CDH4: variants seen among roughly 807,000 people sequenced by gnomAD.
CDH4 encodes cadherin 4, also known as cadherin-4.
A neutral mutation model predicts 86.0 loss-of-function variants in CDH4; 33 were observed. The observed-to-expected ratio is 0.38, with a 90% CI of 0.29 to 0.51. The LOEUF (loss-of-function observed/expected upper bound fraction) is 0.51, where lower values mean the gene tolerates loss of function less well. Among genes scored for constraint, CDH4 ranks in the 20% least tolerant of loss-of-function variants. The pLI is 0.86. For synonymous variants in CDH4, 555 were observed against 549.4 expected, an observed-to-expected ratio of 1.01 and a Z score of -0.14; for missense variants, 1,114 against 1,307.4, an observed-to-expected ratio of 0.85 and a Z score of 2.28.
intron 2 of CDH4, among the ~76,000 whole-genome samples, chr20:61,268,535 TC>T (rs2084168518): frequency 6.6e-6 from 1 of 152,232 alleles, no homozygotes; most frequent in Non-Finnish European, 1.5e-5. Context: ...TGAGTATTTG[TC>T]CCTTCCAAAT....
At chr20:61,801,862 A>G (rs1979847987) in intron 4 of CDH4, among the ~76,000 whole-genome samples, 1 of 152,242 alleles carries the variant, frequency 6.6e-6, no homozygotes, top group Non-Finnish European at 1.5e-5. Flanking sequence ...GAAATCCAGG[A>G]TGGGCCTCAT....
intron 6 of CDH4, among the ~76,000 whole-genome samples, chr20:61,854,020 G>A (rs1227037631): frequency 6.6e-6 from 1 of 152,176 alleles, no homozygotes; most frequent in Non-Finnish European, 1.5e-5. Flanking sequence ...CTTACACTAA[G>A]AGAGTAATCC....
intron 5 of CDH4, among the ~76,000 whole-genome samples, chr20:61,851,240 G>T (rs920858526): frequency 2.0e-5 from 3 of 152,226 alleles, no homozygotes; most frequent in African/African-American, 7.2e-5. Context: ...GTCAGTGCTA[G>T]CTTGTCTCCT....
intron 2 of CDH4, among the ~76,000 whole-genome samples, chr20:61,404,894 C>CA (rs1170924256): frequency 3.4e-4 from 52 of 151,944 alleles, no homozygotes; most frequent in Middle Eastern, 3.4e-3. Flanking sequence ...ACTAAAAATA[C>CA]AAAAAATTAG....
chr20:61,556,408 G>A (rs2086177939), intron 2 of CDH4, among the ~76,000 whole-genome samples: 1 of 152,168 alleles, frequency 6.6e-6, no homozygotes, highest in Non-Finnish European at 1.5e-5. Flanking sequence ...CCTCCAGGCA[G>A]AGGAACTGTG....
At position 61,254,806 on chromosome 20, in the gene CDH4, T is replaced by G. The variant is rs1045631187; in HGVS notation, c.58-20T>G. ...TTTCTGTGAACTTATTGTTTTACAC[T>G]CTCCCCTTTGTGTTCTCAGGCCCAT... On this transcript the variant is annotated intron_variant, in intron 1 of 15. Transcript: ENST00000614565. 4 of 1,372,746 alleles carry G rather than the reference T, an allele frequency of 2.9e-6. No homozygotes were observed. The African/African-American group carries it at 4.3e-5, about 15-fold the overall frequency. The allele number at this position is 1,372,746 out of a possible 1,614,324, so 85.0% of individuals were successfully genotyped here.
At chr20:61,382,513 C>T (rs865881995) in intron 2 of CDH4, among the ~76,000 whole-genome samples, 8 of 152,308 alleles carry the variant, frequency 5.3e-5, no homozygotes, top group Admixed American at 1.3e-4. Flanking sequence ...TAAGTGACAC[C>T]TTCTATTGGC....
chr20:61,563,743 A>C (rs1185489245), intron 2 of CDH4, among the ~76,000 whole-genome samples: 1 of 152,008 alleles, frequency 6.6e-6, no homozygotes, highest in Non-Finnish European at 1.5e-5. Flanking sequence ...GGGACAGCTC[A>C]CCTTTGCTGA....
chr20:61,907,585 G>A lies in CDH4; in HGVS notation c.1189-2837G>A, dbSNP rs143386226. On this transcript the variant is annotated intron_variant, in intron 8 of 15. Transcript: ENST00000614565. ...TGCAGGGCCCAGTGTGTCCCACGGC[G>A]GCGCCAGCTCCTTGTCCTGCTGGGG... Among the ~76,000 whole-genome samples, 1,242 of 152,336 alleles carry A rather than the reference G, an allele frequency of 8.2e-3. 13 individuals carry two copies. Among genetic ancestry groups the A allele is most frequent in the African/African-American group, 0.026 (1,099 of 41,578 alleles).
chr20:61,296,338 TGTGA>T (rs139093318), intron 2 of CDH4, among the ~76,000 whole-genome samples: 2,882 of 151,572 alleles, frequency 0.019, 50 homozygotes, highest in African/African-American at 0.038. Context: ...TGTGTGTGTG[TGTGA>T]GAGAGAGATC....
intron 2 of CDH4, among the ~76,000 whole-genome samples, chr20:61,554,471 A>C (rs1389303229): frequency 6.6e-6 from 1 of 152,206 alleles, no homozygotes; most frequent in African/African-American, 2.4e-5. Flanking sequence ...GTTCAAAGTC[A>C]CATGTACATC....
chr20:61,777,872 G>A (rs1260152529), intron 4 of CDH4, among the ~76,000 whole-genome samples: 3 of 150,244 alleles, frequency 2.0e-5, no homozygotes, highest in African/African-American at 7.4e-5. Context: ...GCACGCACGT[G>A]CATACTATAC....
At chr20:61,853,184 C>G (rs578037741) in intron 6 of CDH4, among the ~76,000 whole-genome samples, 5 of 152,270 alleles carry the variant, frequency 3.3e-5, no homozygotes, top group Admixed American at 6.5e-5. Flanking sequence ...AGCGGTGGGC[C>G]TGGGCAGGCC....
At chr20:61,292,665 C>A (rs1383690024) in intron 2 of CDH4, among the ~76,000 whole-genome samples, 1 of 152,270 alleles carries the variant, frequency 6.6e-6, no homozygotes, top group Non-Finnish European at 1.5e-5. Flanking sequence ...GAAGTGCGGC[C>A]AGGGCTGACC....
At chr20:61,852,269 C>T (rs1982760808) in intron 5 of CDH4, among the ~76,000 whole-genome samples, 1 of 152,226 alleles carries the variant, frequency 6.6e-6, no homozygotes, top group East Asian at 1.9e-4. Context: ...CAGCTCTGGC[C>T]CTTGCACACC....
At chr20:61,647,202 G>A (rs539016506) in intron 2 of CDH4, among the ~76,000 whole-genome samples, 1 of 152,134 alleles carries the variant, frequency 6.6e-6, no homozygotes, top group African/African-American at 2.4e-5. Context: ...GTTCCCAGCA[G>A]CTCAGCCTTG....
chr20:61,742,979 C>T (rs2088362648), intron 2 of CDH4, among the ~76,000 whole-genome samples: 1 of 152,176 alleles, frequency 6.6e-6, no homozygotes, highest in Non-Finnish European at 1.5e-5. Flanking sequence ...ACCCCAAGGC[C>T]ATTTGCAGGC....
intron 2 of CDH4, among the ~76,000 whole-genome samples, chr20:61,298,852 AGT>A (rs1204905391): frequency 9.9e-5 from 15 of 151,892 alleles, no homozygotes; most frequent in African/African-American, 3.4e-4. Flanking sequence ...CAAGTGCACT[AGT>A]GTGTCTGTGT....
intron 2 of CDH4, among the ~76,000 whole-genome samples, chr20:61,629,773 G>T (rs969215120): frequency 2.6e-5 from 4 of 152,206 alleles, no homozygotes; most frequent in African/African-American, 7.2e-5. Flanking sequence ...ATGGGAAGGT[G>T]CTCGGTGCCC....
Sources: gnomAD v4.1 joint callset for allele counts (sites outside exome capture counted in the v4.1 genomes callset) on GRCh38, gnomAD v4.1.1 for gene constraint, MANE v1.5 for transcripts, NCBI Gene and HGNC (gene_info 2026-07-23, HGNC 2026-07-21) for gene names.